Variants in AGRN observed in about 807,000 individuals in gnomAD.
The protein encoded by AGRN is agrin.
Under a neutral mutation model 211.0 loss-of-function variants are expected in AGRN, and 106 were observed. The observed-to-expected ratio is 0.50, with a 90% CI of 0.43 to 0.59. The LOEUF is 0.59. Among genes scored for constraint, AGRN ranks in the 20% least tolerant of loss-of-function variants. The pLI is 0.00. For missense variants in AGRN, 3,040 were observed against 2,982.6 expected, an observed-to-expected ratio of 1.02 and a Z score of -0.45; for synonymous variants, 1,525 against 1,332.5, an observed-to-expected ratio of 1.14 and a Z score of -3.15.
chr1:1,024,807 C>A (rs1644483165), intron 2 of AGRN, among the ~76,000 whole-genome samples: 2 of 152,166 alleles, frequency 1.3e-5, no homozygotes, highest in Admixed American at 1.3e-4. Flanking sequence ...GCCTAGGGAG[C>A]CACATTCCTG....
chr1:1,041,444 C>A (rs1487467533), intron 5 of AGRN, 34 bp from the exon 6 acceptor site: 17 of 1,560,896 alleles, frequency 1.1e-5, no homozygotes, highest in Admixed American at 1.9e-5. Context: ...GGGCGCGCGG[C>A]GACAGCGTCC....
intron 1 of AGRN, 31 bp downstream of exon 1, chr1:1,020,404 G>T (rs1387223273): frequency 6.7e-7 from 1 of 1,483,060 alleles, no homozygotes. Flanking sequence ...GCCTCCCCTC[G>T]CGACGCCTGC....
chr1:1,028,959 G>A (rs111521425), intron 2 of AGRN, among the ~76,000 whole-genome samples: 3 of 63,254 alleles, frequency 4.7e-5, no homozygotes, highest in East Asian at 8.9e-4. Context: ...CCAGCCCCTC[G>A]TGGGCCAAGG....
At position 1,045,787 on chromosome 1, in the gene AGRN, G is replaced by A. The variant is rs1252259854; in HGVS notation, c.2591G>A (p.Gly864Glu). 1 of 1,613,216 alleles carries A rather than the reference G, an allele frequency of 6.2e-7. No homozygotes were observed. The highest frequency in any genetic ancestry group is 8.5e-7 in the Non-Finnish European group (1 of 1,179,968). Residue 864 changes from glycine to glutamate, a missense_variant, in exon 15 of 36, where the codon GGG becomes GAG. Physicochemically the swap from Gly to Glu is moderately conservative, Grantham distance 98. Transcript: ENST00000379370. Reference protein sequence around the residue: ...AVRDDCEQMTGLCSCKPGVAG... With the variant: ...AVRDDCEQMTELCSCKPGVAG... The stretch of plus-strand genomic sequence containing the variant: ...CGGGATGACTGTGAGCAGATGACGG[G>A]GCTGTGCTCGTGTAAGCCCGGGGTG...
intron 33 of AGRN, chr1:1,052,582 CTGAG>C (rs1358939903): frequency 4.3e-5 from 8 of 184,948 alleles, no homozygotes; most frequent in East Asian, 1.5e-4. Context: ...AGGTGTGTGT[CTGAG>C]TGTGTGCGCA....
chr1:1,034,098 C>G, intron 2 of AGRN: 2 of 984,382 alleles, frequency 2.0e-6, no homozygotes, highest in Non-Finnish European at 2.4e-6. Context: ...GCGGCCGCCC[C>G]TCCTGCCTGC....
At position 1,049,804 on chromosome 1, in the gene AGRN, G is replaced by A; in HGVS notation, c.4744+9G>A. On this transcript the variant is annotated intron_variant, in intron 26 of 35. Coordinates refer to ENST00000379370, the MANE Select transcript of AGRN (RefSeq NM_198576.4). ...CCCGCCCGGCCGCGTCGGTGAGGGTGGGGCCGGGGCGGGTGGGAGTGGGAC... is the reference window on the plus strand; with the variant it reads ...CCCGCCCGGCCGCGTCGGTGAGGGTAGGGCCGGGGCGGGTGGGAGTGGGAC... 6.2e-7 allele frequency: 1 copy of A among 1,603,136 alleles called. No homozygotes were observed. Among genetic ancestry groups the A allele is most frequent in the Non-Finnish European group, 8.5e-7 (1 of 1,175,324 alleles).
At chr1:1,040,905 G>C (rs935268402) in intron 4 of AGRN, 25 bp downstream of exon 4, 7 of 1,416,020 alleles carry the variant, frequency 4.9e-6, no homozygotes, top group African/African-American at 4.7e-5. Flanking sequence ...GCCGGTGCCT[G>C]GGGCGGGGAG....
chr1:1,034,969 A>C, intron 2 of AGRN: 1 of 490,362 alleles, frequency 2.0e-6, no homozygotes, highest in Non-Finnish European at 3.7e-6. Flanking sequence ...AGTTGGGGGT[A>C]GGGCAGGACC....
intron 8 of AGRN, 39 bp from the exon 9 acceptor site, chr1:1,043,499 G>C (rs369849294): frequency 6.2e-7 from 1 of 1,602,044 alleles, no homozygotes; most frequent in African/African-American, 1.3e-5. Context: ...CGGGGAGAGA[G>C]AGGTTCCTGG....
Position 1,043,584 on chromosome 1 carries a change from C to A in AGRN, c.1650C>A (p.Thr550=). The A allele has an allele frequency of 6.2e-7, 1 of 1,605,100 alleles. No homozygotes were observed. The highest frequency in any genetic ancestry group is 1.3e-5 in the African/African-American group (1 of 75,022). ...TTGGAGCCCTGTGCGAGGCCGAGAC[C>A]GGGCGCTGCGTGTGCCCCTCTGAAT... ...CRFGALCEAE[T]GRCVCPSECV... Residue 550 remains threonine (T), a synonymous_variant, in exon 9 of 36, where the codon ACC becomes ACA. Coordinates refer to ENST00000379370, the MANE Select transcript of AGRN (RefSeq NM_198576.4).
At position 1,040,671 on chromosome 1, in the gene AGRN, G is replaced by A; in HGVS notation, c.518G>A (p.Arg173Gln). 3.2e-6 allele frequency: 5 copies of A among 1,547,602 alleles called. No individual in the cohort carries two copies. Among genetic ancestry groups the A allele is most frequent in the Admixed American group, 2.0e-5 (1 of 51,002 alleles). ...PVPPTPPDAC[R>Q]GMLCGFGAVC... is the part of the protein sequence containing the mutation. ...TCTCCCCTACCCGCCCCAGCGTGCC[G>A]GGGAATGCTGTGCGGCTTCGGCGCC... Residue 173 changes from arginine to glutamine, a missense_variant, in exon 4 of 36, where the codon CGG (arginine) becomes CAG (glutamine). Arg to Gln is a conservative substitution (Grantham distance 43). This residue lies in a region of AGRN where 1,498 missense variants were observed against 1,457.8 expected (regional missense o/e 1.03). Transcript: ENST00000379370.
chr1:1,034,194 C>A, intron 2 of AGRN: 1 of 985,448 alleles, frequency 1.0e-6, no homozygotes. Flanking sequence ...CCGCGCGCAC[C>A]GCCTCTCCGG....
rs1477905902 is a variant in AGRN, at chr1:1,033,164, CA to C, written c.464-2112del. Among the ~76,000 whole-genome samples, 5 of 152,108 alleles carry C rather than the reference CA, an allele frequency of 3.3e-5. No individual in the cohort carries two copies. The East Asian group carries it at 9.7e-4, about 30-fold the overall frequency. ...TCCCCGCCGCAATTTGCATGGGGCT[CA>C]TTTGCATGACCCCGCCCCGCGCGGG... On this transcript the variant is annotated intron_variant, in intron 2 of 35. Coordinates refer to ENST00000379370, the MANE Select transcript of AGRN (RefSeq NM_198576.4).
rs1019002120 is a variant in AGRN at position 1,048,509 on chromosome 1, G to A, written c.4105+144G>A. ...GTTTCGGCCAGATGCGGTGGCTCACGCCTGTAATCCCAGCACTTTGGGAGG... is the reference window on the plus strand; with the variant it reads ...GTTTCGGCCAGATGCGGTGGCTCACACCTGTAATCCCAGCACTTTGGGAGG... On this transcript the variant is annotated intron_variant, in intron 23 of 35. Transcript: ENST00000379370. This position sits in a 1 kb window ranked among gnomAD's most constrained non-coding sequence, Gnocchi z 5.9. 1.2e-4 allele frequency: 87 copies of A among 744,006 alleles called. No individual in the cohort carries two copies. The highest frequency in any genetic ancestry group is 1.4e-4 in the Non-Finnish European group (66 of 478,194). The allele number at this position is 744,006 out of a possible 1,614,324, so 46.1% of individuals were successfully genotyped here.
chr1:1,044,272 C>A lies in AGRN; in HGVS notation c.2148+15C>A. 6.2e-7 allele frequency: 1 copy of A among 1,612,752 alleles called. No individual in the cohort carries two copies. Among genetic ancestry groups the A allele is most frequent in the Non-Finnish European group, 8.5e-7 (1 of 1,179,854 alleles). ...CAGGCAGCCCGGTGAGCTCTGTACCCCTGGCTCTCGGCGGGCGGCGGGGAC... is the reference window on the plus strand; with the variant it reads ...CAGGCAGCCCGGTGAGCTCTGTACCACTGGCTCTCGGCGGGCGGCGGGGAC... On this transcript the variant is annotated intron_variant, in intron 11 of 35. Transcript: ENST00000379370.
In AGRN at chr1:1,049,008, G is replaced by A. The variant is rs759552420; in HGVS notation, c.4247G>A (p.Arg1416Gln). ...CTGCTGCTGTACAATGGCAACGCCC[G>A]GGGCAAGGACTTCCTGGCATTGGCG... ...QGLLLYNGNA[R>Q]GKDFLALALL... The change falls in exon 24 of 36, where the codon CGG becomes CAG. Residue 1416 changes from arginine to glutamine, a missense_variant. Physicochemically the swap from Arg to Gln is conservative, Grantham distance 43 (BLOSUM62 1). Transcript: ENST00000379370. The A allele has an allele frequency of 1.6e-5, 26 of 1,580,642 alleles. No individual in the cohort carries two copies. The highest frequency in any genetic ancestry group is 6.9e-5 in the South Asian group (6 of 86,538).
intron 2 of AGRN, among the ~76,000 whole-genome samples, chr1:1,030,377 ATGTGTG>A (rs201683978): frequency 6.0e-4 from 7 of 11,722 alleles, no homozygotes; most frequent in Admixed American, 3.5e-3. Context: ...TGAGATCAGC[ATGTGTG>A]TGTGTGTGTG....
chr1:1,044,178 G>A lies in AGRN; in HGVS notation c.2069G>A (p.Arg690His), dbSNP rs769839002. The A allele has an allele frequency of 3.1e-6, 5 of 1,613,290 alleles. No individual in the cohort carries two copies. The highest frequency in any genetic ancestry group is 3.4e-6 in the Non-Finnish European group (4 of 1,179,932). Residue 690 changes from arginine (R) to histidine (H), a missense_variant, in exon 11 of 36, where the codon CGC becomes CAC. Physicochemically the swap from Arg to His is conservative, Grantham distance 29. Coordinates refer to ENST00000379370, the MANE Select transcript of AGRN (RefSeq NM_198576.4). Reference protein sequence around the residue: ...GDCEQELCRQRGGIWDEDSED... With the variant: ...GDCEQELCRQHGGIWDEDSED... ...TGTGAGCAGGAGCTGTGCCGGCAGC[G>A]CGGTGGCATCTGGGACGAGGACTCG...
Sources: allele counts gnomAD v4.1 joint callset (sites outside exome capture counted in the v4.1 genomes callset), GRCh38; gene constraint gnomAD v4.1.1; regional missense constraint gnomAD v4.1.1; non-coding constraint Gnocchi (gnomAD v3.1); transcripts MANE v1.5; gene names NCBI Gene and HGNC (gene_info 2026-07-23, HGNC 2026-07-21).